The following CDC42SE2 variants were observed in gnomAD, a reference collection of about 807,000 sequenced individuals.
CDC42SE2 encodes the protein CDC42 small effector protein 2.
A neutral mutation model predicts 11.5 loss-of-function variants in CDC42SE2; 3 were observed. The ratio of observed to expected loss-of-function variants is 0.26; its 90% CI spans 0.12 to 0.67. CDC42SE2 has a LOEUF of 0.67. Among genes scored for constraint, CDC42SE2 ranks in the 30% least tolerant of loss-of-function variants. The pLI is 0.80. For missense variants in CDC42SE2, 82 were observed against 106.8 expected (o/e 0.77, Z 1.02); for synonymous variants, 33 against 34.8 (o/e 0.95, Z 0.18).
chr5:131,237,794 G>T, the CDC42SE2 span, among the ~76,000 whole-genome samples: 3 of 152,050 alleles, frequency 2.0e-5, no homozygotes, highest in African/African-American at 7.2e-5. Flanking sequence ...TCGCTATATT[G>T]CCCAGGCTTC....
intron 2 of CDC42SE2, among the ~76,000 whole-genome samples, chr5:131,342,485 G>A (rs1160732414): frequency 2.8e-5 from 4 of 143,884 alleles, no homozygotes; most frequent in Admixed American, 6.9e-5. Context: ...CGCCTCTCAG[G>A]TTCAAGTGAT....
intron 1 of CDC42SE2, among the ~76,000 whole-genome samples, chr5:131,278,728 CCT>C (rs1757162138): frequency 4.0e-4 from 2 of 4,942 alleles, no homozygotes; most frequent in Middle Eastern, 0.028. Flanking sequence ...TCCCCTCCCC[CCT>C]CCCCTCCCCT....
intron 2 of CDC42SE2, among the ~76,000 whole-genome samples, chr5:131,341,460 G>A (rs1184797519): frequency 6.6e-6 from 1 of 152,160 alleles, no homozygotes; most frequent in East Asian, 1.9e-4. Flanking sequence ...AATATCAAAT[G>A]TAAGGAATTA....
At chr5:131,273,639 G>T (rs535789496) in intron 1 of CDC42SE2, among the ~76,000 whole-genome samples, 1 of 151,386 alleles carries the variant, frequency 6.6e-6, no homozygotes, top group Admixed American at 6.6e-5. Context: ...CAGGCGTGGC[G>T]GCTGGTGCTT....
chr5:131,229,514 C>T, the CDC42SE2 span, among the ~76,000 whole-genome samples: 6 of 152,244 alleles, frequency 3.9e-5, no homozygotes, highest in African/African-American at 1.2e-4. Flanking sequence ...CTCAGCCTCC[C>T]AAGTAGCTGA....
chr5:131,249,014 C>CT (rs35929101), intron 1 of CDC42SE2, among the ~76,000 whole-genome samples: 80,402 of 116,068 alleles, frequency 0.69, 28,714 homozygotes, highest in Non-Finnish European at 0.74. Context: ...CAGGTTACAT[C>CT]TTTTTTTTTT....
In CDC42SE2 at chr5:131,393,044, T is replaced by C. The variant is rs1750712777; in HGVS notation, c.*1953T>C. ...ATTTCTGTAAAGGTTTCTTCTTTTC[T>C]GTTAGAGTGTGGTGTTAAGCCAGAG... On this transcript the variant is annotated 3_prime_UTR_variant, in exon 5 of 5. Coordinates refer to ENST00000505065, the MANE Select transcript of CDC42SE2 (RefSeq NM_001375635.1). The C allele has an allele frequency of 6.6e-6, 1 of 150,640 alleles. No homozygotes were observed. Among genetic ancestry groups the C allele is most frequent in the East Asian group, 1.9e-4 (1 of 5,326 alleles). The allele number at this position is 150,640 out of a possible 1,614,324, so 9.3% of individuals were successfully genotyped here.
chr5:131,234,873 C>T, the CDC42SE2 span, among the ~76,000 whole-genome samples: 1 of 149,986 alleles, frequency 6.7e-6, no homozygotes, highest in Admixed American at 6.6e-5. Context: ...CAGCAGATTG[C>T]ATGCTTGGTG....
chr5:131,322,659 T>C (rs1329397713), intron 2 of CDC42SE2, among the ~76,000 whole-genome samples: 1 of 152,196 alleles, frequency 6.6e-6, no homozygotes, highest in Non-Finnish European at 1.5e-5. Context: ...TAAGGCTCGA[T>C]AATATTCCAT....
intron 3 of CDC42SE2, among the ~76,000 whole-genome samples, chr5:131,382,786 G>A (rs1381401018): frequency 6.6e-6 from 1 of 152,108 alleles, no homozygotes; most frequent in East Asian, 1.9e-4. Flanking sequence ...TGGCTCACTG[G>A]GGAAGAAATC....
intron 3 of CDC42SE2, among the ~76,000 whole-genome samples, chr5:131,368,078 C>T (rs987968692): frequency 1.3e-5 from 2 of 151,768 alleles, no homozygotes; most frequent in African/African-American, 4.8e-5. Context: ...ACGGTGAAAC[C>T]CTGTCTCTAC....
At chr5:131,258,010 G>A (rs1756692123) in intron 2 of CDC42SE2, among the ~76,000 whole-genome samples, 1 of 152,104 alleles carries the variant, frequency 6.6e-6, no homozygotes, top group Non-Finnish European at 1.5e-5. Flanking sequence ...CCCTGGTGCT[G>A]AGTCTTAATT....
At chr5:131,238,157 G>T in the CDC42SE2 span, among the ~76,000 whole-genome samples, 31 of 151,682 alleles carry the variant, frequency 2.0e-4, no homozygotes, top group South Asian at 6.5e-3. Flanking sequence ...AGGGCAAGGG[G>T]AGGGAGAGCA....
At chr5:131,221,195 ACT>A in the CDC42SE2 span, among the ~76,000 whole-genome samples, 1 of 151,952 alleles carries the variant, frequency 6.6e-6, no homozygotes, top group Non-Finnish European at 1.5e-5. Context: ...TTTAAATCAA[ACT>A]TGTCCAACCC....
intron 1 of CDC42SE2, among the ~76,000 whole-genome samples, chr5:131,312,788 C>A (rs1757952778): frequency 6.6e-6 from 1 of 152,126 alleles, no homozygotes; most frequent in Non-Finnish European, 1.5e-5. Flanking sequence ...AATGCCTCGC[C>A]CTACTTTGGC....
intron 2 of CDC42SE2, among the ~76,000 whole-genome samples, chr5:131,318,957 A>G (rs1758105255): frequency 6.6e-6 from 1 of 152,000 alleles, no homozygotes; most frequent in Admixed American, 6.6e-5. Context: ...GCTGGAGTGC[A>G]GTGGCACAAT....
At chr5:131,384,028 A>G (rs943329019) in intron 3 of CDC42SE2, among the ~76,000 whole-genome samples, 1 of 152,254 alleles carries the variant, frequency 6.6e-6, no homozygotes, top group African/African-American at 2.4e-5. Flanking sequence ...GCAATTATCA[A>G]GGAACTAACA....
chr5:131,376,984 T>C (rs1750173134), intron 3 of CDC42SE2, among the ~76,000 whole-genome samples: 1 of 152,198 alleles, frequency 6.6e-6, no homozygotes, highest in Non-Finnish European at 1.5e-5. Context: ...TAGAATGATT[T>C]ATATTACTTT....
chr5:131,375,020 T>C (rs1455318232), intron 3 of CDC42SE2, among the ~76,000 whole-genome samples: 1 of 148,002 alleles, frequency 6.8e-6, no homozygotes, highest in Non-Finnish European at 1.5e-5. Context: ...TTCAGATTAG[T>C]TTCTCCCCTC....
Sources: allele counts gnomAD v4.1 joint callset (sites outside exome capture counted in the v4.1 genomes callset), GRCh38; gene constraint gnomAD v4.1.1; transcripts MANE v1.5; gene names NCBI Gene and HGNC (gene_info 2026-07-23, HGNC 2026-07-21).